Variants in THRB observed in about 807,000 individuals in gnomAD.
The protein encoded by THRB is thyroid hormone receptor beta.
THRB carries 12 observed loss-of-function variants against 47.8 expected under a neutral mutation model. That is an observed-to-expected ratio of 0.25 (90% confidence interval 0.16 to 0.41). The LOEUF is 0.41. Ranked by LOEUF, THRB falls within the 10% of genes least tolerant of loss-of-function variation. The pLI, the probability that THRB is intolerant of heterozygous loss-of-function variation, is 1.00. For missense variants in THRB, 348 were observed against 589.2 expected (o/e 0.59, Z 4.24); for synonymous variants, 218 against 212.2 (o/e 1.03, Z -0.24).
intron 1 of THRB, chr3:24,459,184 T>A (rs1208429911): frequency 6.6e-6 from 1 of 152,154 alleles, no homozygotes; most frequent in Non-Finnish European, 1.5e-5. Flanking sequence ...AACTCCCATT[T>A]ATAAGTGAGA....
intron 1 of THRB, among the ~76,000 whole-genome samples, chr3:24,485,238 A>C (rs952357473): frequency 2.6e-5 from 4 of 152,250 alleles, no homozygotes; most frequent in African/African-American, 9.6e-5. Context: ...ATGGTCTTTA[A>C]ATTAAGCTTC....
At chr3:24,233,889 T>G (rs932142933) in intron 3 of THRB, among the ~76,000 whole-genome samples, 1 of 152,204 alleles carries the variant, frequency 6.6e-6, no homozygotes, top group Non-Finnish European at 1.5e-5. Context: ...CTGCCCTGCC[T>G]GACGTCTAAG....
chr3:24,205,571 G>A (rs2045232824), intron 4 of THRB, among the ~76,000 whole-genome samples: 1 of 152,198 alleles, frequency 6.6e-6, no homozygotes, highest in Non-Finnish European at 1.5e-5. Context: ...GACCATCGAT[G>A]CTAGAAAGAA....
rs2045718077 is a variant in THRB, at chr3:24,209,022, A to T, written c.23-18688T>A. On this transcript the variant is annotated intron_variant, in intron 4 of 10. Coordinates refer to ENST00000646209, the MANE Select transcript of THRB (RefSeq NM_001354712.2). ...AAACAACCCCATCAAAAAGTGGTTGAAGGATATGAACAGACTCTTCTCAAA... is the reference window on the plus strand; with the variant it reads ...AAACAACCCCATCAAAAAGTGGTTGTAGGATATGAACAGACTCTTCTCAAA... Among the ~76,000 whole-genome samples, 9 of 152,370 alleles carry T rather than the reference A, an allele frequency of 5.9e-5. 1 individual carries two copies. In the South Asian group the frequency reaches 1.9e-3, roughly 32 times the overall value.
chr3:24,201,881 G>A (rs780772684), intron 4 of THRB, among the ~76,000 whole-genome samples: 1 of 151,880 alleles, frequency 6.6e-6, no homozygotes, highest in African/African-American at 2.4e-5. Flanking sequence ...AAAAGCAATA[G>A]CTAACATTTT....
chr3:24,425,905 A>G lies in THRB; in HGVS notation c.-261+68747T>C, dbSNP rs181767640. ...CCTCATATGATGACTATGAGAAACG[A>G]TAAGTGTAAGAGTTAAGCACACAGA... On this transcript the variant is annotated intron_variant, in intron 1 of 10. Coordinates refer to ENST00000646209, the MANE Select transcript of THRB (RefSeq NM_001354712.2). Among the ~76,000 whole-genome samples the G allele has an allele frequency of 8.5e-5, 13 of 152,112 alleles. No individual in the cohort carries two copies. In the East Asian group the frequency reaches 2.5e-3, roughly 30 times the overall value.
chr3:24,474,122 C>T (rs890715981), intron 1 of THRB, among the ~76,000 whole-genome samples: 5 of 152,210 alleles, frequency 3.3e-5, no homozygotes, highest in South Asian at 2.1e-4. Context: ...AAAAAAAGTT[C>T]GTTGTATGCT....
At chr3:24,349,991 T>C (rs2063268612) in intron 1 of THRB, among the ~76,000 whole-genome samples, 1 of 151,936 alleles carries the variant, frequency 6.6e-6, no homozygotes, top group Non-Finnish European at 1.5e-5. Flanking sequence ...TACAAAGGAA[T>C]CATATTCAGA....
chr3:24,239,795 G>C (rs2049289629), intron 3 of THRB, among the ~76,000 whole-genome samples: 1 of 152,118 alleles, frequency 6.6e-6, no homozygotes, highest in East Asian at 1.9e-4. Flanking sequence ...CTGCCAGAAT[G>C]TGTACAGTTA....
At chr3:24,449,481 T>TA (rs1207561375) in intron 1 of THRB, among the ~76,000 whole-genome samples, 2 of 152,288 alleles carry the variant, frequency 1.3e-5, no homozygotes, top group Non-Finnish European at 2.9e-5. Flanking sequence ...TACTATATAT[T>TA]AACTCAGCAG....
intron 1 of THRB, among the ~76,000 whole-genome samples, chr3:24,412,836 T>C (rs2068422129): frequency 6.6e-6 from 1 of 151,870 alleles, no homozygotes; most frequent in Non-Finnish European, 1.5e-5. Context: ...TAAAAAGCAT[T>C]AGCCAATAGA....
chr3:24,469,940 G>A (rs1577814622), intron 1 of THRB, among the ~76,000 whole-genome samples: 1 of 152,216 alleles, frequency 6.6e-6, no homozygotes, highest in Admixed American at 6.5e-5. Flanking sequence ...TGAAGTCAAT[G>A]TCTTCCATAG....
intron 2 of THRB, among the ~76,000 whole-genome samples, chr3:24,324,608 C>A (rs549956437): frequency 6.6e-6 from 1 of 152,290 alleles, no homozygotes; most frequent in South Asian, 2.1e-4. Flanking sequence ...TTACCTTCAA[C>A]TTCTACTCTC....
intron 1 of THRB, among the ~76,000 whole-genome samples, chr3:24,440,920 T>C (rs2125400656): frequency 6.6e-6 from 1 of 152,292 alleles, no homozygotes; most frequent in African/African-American, 2.4e-5. Context: ...ATTTCACAGT[T>C]TCCATGGGTC....
intron 3 of THRB, among the ~76,000 whole-genome samples, chr3:24,278,445 T>C (rs1350926574): frequency 2.0e-5 from 3 of 152,216 alleles, no homozygotes; most frequent in African/African-American, 7.2e-5. Context: ...AGCAGGGGTA[T>C]AGAATATTTG....
intron 1 of THRB, among the ~76,000 whole-genome samples, chr3:24,455,701 A>G (rs1414349189): frequency 6.6e-6 from 1 of 152,162 alleles, no homozygotes; most frequent in Non-Finnish European, 1.5e-5. Flanking sequence ...AATTGCCTAA[A>G]AGAATTCCGG....
chr3:24,482,153 T>C, intron 1 of THRB, among the ~76,000 whole-genome samples: 1 of 152,220 alleles, frequency 6.6e-6, no homozygotes, highest in East Asian at 1.9e-4. Context: ...TCATGCTCCA[T>C]ACATCCAAGG....
At chr3:24,215,074 C>G (rs1268038440) in intron 4 of THRB, among the ~76,000 whole-genome samples, 3 of 152,150 alleles carry the variant, frequency 2.0e-5, no homozygotes, top group Non-Finnish European at 4.4e-5. Flanking sequence ...TAGGGATGAA[C>G]ATATCTTCAC....
chr3:24,221,015 T>C (rs2047106051), intron 4 of THRB, among the ~76,000 whole-genome samples: 1 of 152,194 alleles, frequency 6.6e-6, no homozygotes, highest in Non-Finnish European at 1.5e-5. Flanking sequence ...CAAGAAAGCA[T>C]CTGCACTCTG....
Sources: allele counts gnomAD v4.1 joint callset (sites outside exome capture counted in the v4.1 genomes callset), GRCh38; gene constraint gnomAD v4.1.1; transcripts MANE v1.5; gene names NCBI Gene and HGNC (gene_info 2026-07-23, HGNC 2026-07-21).